The following TINAG variants were observed in gnomAD, a reference collection of about 807,000 sequenced individuals.
The protein encoded by TINAG is tubulointerstitial nephritis antigen.
In TINAG, 83 loss-of-function variants were observed where a neutral mutation model predicts 72.7. The ratio of observed to expected loss-of-function variants is 1.14; its 90% CI spans 0.96 to 1.37. The LOEUF is 1.37. TINAG is among the 40% of genes most tolerant of loss of function. The pLI is 0.00. For missense variants in TINAG, 685 were observed against 576.6 expected (o/e 1.19, Z -1.93); for synonymous variants, 234 against 189.9 (o/e 1.23, Z -1.91).
In TINAG at chr6:54,331,393, G is replaced by A. The variant is rs551878264; in HGVS notation, c.624+4477G>A. 5.5e-4 allele frequency among the ~76,000 whole-genome samples: 84 copies of A among 152,176 alleles called. 1 individual carries two copies. In the South Asian group the frequency reaches 0.017, roughly 30 times the overall value. ...CTCAATAGATGCAGAAAAGACCTTC[G>A]ATAAAACTCAACACCCCTTCATGCT... On this transcript the variant is annotated intron_variant, in intron 4 of 10. Coordinates refer to ENST00000259782, the MANE Select transcript of TINAG (RefSeq NM_014464.4).
At position 54,384,480 on chromosome 6, in the gene TINAG, T is replaced by C. The variant is rs143144341; in HGVS notation, c.1296+3909T>C. Among the ~76,000 whole-genome samples, 543 of 151,902 alleles carry C rather than the reference T, an allele frequency of 3.6e-3. 4 individuals carry two copies. The highest frequency in any genetic ancestry group is 0.011 in the South Asian group (52 of 4,812). ...GTCACTATTTAAAATGACACATTAT[T>C]CTCAAAAAAAGCAGCACTGACTGAC... On this transcript the variant is annotated intron_variant, in intron 10 of 10. Coordinates refer to ENST00000259782, the MANE Select transcript of TINAG (RefSeq NM_014464.4).
intron 8 of TINAG, among the ~76,000 whole-genome samples, chr6:54,352,574 C>T (rs1164969515): frequency 6.6e-6 from 1 of 151,740 alleles, no homozygotes; most frequent in Non-Finnish European, 1.5e-5. Context: ...TTAAGTGGTG[C>T]TTGTGTGACA....
At chr6:54,371,619 T>C (rs1763610745) in intron 9 of TINAG, among the ~76,000 whole-genome samples, 1 of 152,018 alleles carries the variant, frequency 6.6e-6, no homozygotes, top group Non-Finnish European at 1.5e-5. Context: ...CACAGGTAGA[T>C]GAATAAAGGT....
At chr6:54,320,362 A>G (rs1448707354) in intron 1 of TINAG, among the ~76,000 whole-genome samples, 1 of 152,174 alleles carries the variant, frequency 6.6e-6, no homozygotes, top group Non-Finnish European at 1.5e-5. Flanking sequence ...CTGTTGGAAC[A>G]TAATATGCAG....
At chr6:54,349,609 G>A in intron 6 of TINAG, 107 bp from the exon 7 acceptor site, 2 of 1,062,814 alleles carry the variant, frequency 1.9e-6, no homozygotes, top group Admixed American at 3.1e-5. Flanking sequence ...ATGCATGTAA[G>A]TAACCAGAAT....
Position 54,308,827 on chromosome 6 carries a change from G to T in TINAG, c.277G>T (p.Asp93Tyr), listed in dbSNP as rs777452115. ...TAAATTCTGTGACAGAGAAAATTCT[G>T]ATTGCTGTCCTGACTACAAGTCCTT... ...CDKFCDRENSDCCPDYKSFCR... is the reference protein window; with the variant it reads ...CDKFCDRENSYCCPDYKSFCR... Residue 93 changes from aspartate to tyrosine, a missense_variant, in exon 1 of 11, where the codon GAT becomes TAT. Coordinates refer to ENST00000259782, the MANE Select transcript of TINAG (RefSeq NM_014464.4). 5.0e-6 allele frequency: 8 copies of T among 1,613,848 alleles called. No homozygotes were observed. The South Asian group carries it at 8.8e-5, about 18-fold the overall frequency.
chr6:54,381,204 C>T (rs1763939925), intron 10 of TINAG, among the ~76,000 whole-genome samples: 1 of 149,496 alleles, frequency 6.7e-6, no homozygotes, highest in Admixed American at 6.7e-5. Context: ...ATAACATATG[C>T]ATGTGTCTTT....
At chr6:54,377,461 G>C (rs765102246) in intron 9 of TINAG, among the ~76,000 whole-genome samples, 5 of 152,004 alleles carry the variant, frequency 3.3e-5, no homozygotes, top group Non-Finnish European at 5.9e-5. Context: ...GCTATGAGCC[G>C]ATACTGTGTC....
intron 3 of TINAG, among the ~76,000 whole-genome samples, chr6:54,324,903 G>A (rs753407468): frequency 3.3e-5 from 5 of 152,034 alleles, no homozygotes; most frequent in Non-Finnish European, 7.4e-5. Flanking sequence ...CATAAGTATT[G>A]TCCTTAGCAT....
intron 3 of TINAG, among the ~76,000 whole-genome samples, chr6:54,326,527 T>G (rs1784606318): frequency 6.6e-6 from 1 of 152,122 alleles, no homozygotes; most frequent in Non-Finnish European, 1.5e-5. Context: ...TATATTGGCC[T>G]TATTAACACT....
chr6:54,376,896 G>A lies in TINAG; in HGVS notation c.1251-3630G>A, dbSNP rs992667571. On this transcript the variant is annotated intron_variant, in intron 9 of 10. Coordinates refer to ENST00000259782, the MANE Select transcript of TINAG (RefSeq NM_014464.4). ...TAATTATGTGCATTGAGTGAGAGACGGAAACCCAGTCTCAATGTAGGGAGA... is the reference window on the plus strand; with the variant it reads ...TAATTATGTGCATTGAGTGAGAGACAGAAACCCAGTCTCAATGTAGGGAGA... Among the ~76,000 whole-genome samples the A allele has an allele frequency of 5.1e-4, 77 of 152,046 alleles. 2 individuals carry two copies. Among genetic ancestry groups the A allele is most frequent in the East Asian group, 1.9e-4 (1 of 5,180 alleles).
At chr6:54,377,283 G>A (rs772662236) in intron 9 of TINAG, among the ~76,000 whole-genome samples, 14 of 151,860 alleles carry the variant, frequency 9.2e-5, no homozygotes, top group Non-Finnish European at 1.8e-4. Flanking sequence ...AGGCCGAGGC[G>A]GGAGTATCAC....
intron 9 of TINAG, among the ~76,000 whole-genome samples, chr6:54,357,370 C>A (rs953480650): frequency 5.3e-5 from 8 of 151,892 alleles, no homozygotes; most frequent in Non-Finnish European, 1.0e-4. Context: ...CTGACATCAA[C>A]TGAATTTATA....
intron 6 of TINAG, among the ~76,000 whole-genome samples, chr6:54,347,984 C>T (rs771625169): frequency 6.6e-6 from 1 of 152,052 alleles, no homozygotes; most frequent in Non-Finnish European, 1.5e-5. Flanking sequence ...TTAATTTTCT[C>T]CACTCCATTT....
At chr6:54,316,711 A>G (rs958361276) in intron 1 of TINAG, among the ~76,000 whole-genome samples, 4 of 152,180 alleles carry the variant, frequency 2.6e-5, no homozygotes, top group Admixed American at 1.3e-4. Flanking sequence ...AGATACTTAT[A>G]ATACACTGTG....
intron 9 of TINAG, among the ~76,000 whole-genome samples, chr6:54,360,243 C>T (rs915969288): frequency 1.3e-5 from 2 of 151,694 alleles, no homozygotes; most frequent in African/African-American, 2.4e-5. Context: ...TCCCCCCTCT[C>T]TCTTCCCTTT....
intron 9 of TINAG, among the ~76,000 whole-genome samples, chr6:54,371,995 T>TTG (rs1763629668): frequency 7.2e-6 from 1 of 139,162 alleles, no homozygotes; most frequent in Admixed American, 7.1e-5. Flanking sequence ...TTTTTTTTTT[T>TTG]TTTTTTTTTT....
At chr6:54,314,868 T>A (rs1190806381) in intron 1 of TINAG, among the ~76,000 whole-genome samples, 1 of 152,166 alleles carries the variant, frequency 6.6e-6, no homozygotes, top group African/African-American at 2.4e-5. Context: ...AGAATTTATG[T>A]TCCAGGTATA....
chr6:54,321,955 C>A (rs370985355), intron 3 of TINAG, among the ~76,000 whole-genome samples: 1 of 152,124 alleles, frequency 6.6e-6, no homozygotes, highest in Admixed American at 6.5e-5. Context: ...AACTGATGCT[C>A]TCATGCAGAT....
Sources: gnomAD v4.1 joint callset for allele counts (sites outside exome capture counted in the v4.1 genomes callset) on GRCh38, gnomAD v4.1.1 for gene constraint, MANE v1.5 for transcripts, NCBI Gene and HGNC (gene_info 2026-07-23, HGNC 2026-07-21) for gene names.